SDC3: variants seen among roughly 807,000 people sequenced by gnomAD.
The protein encoded by SDC3 is syndecan-3.
SDC3 carries 13 observed loss-of-function variants against 24.4 expected under a neutral mutation model. That is an observed-to-expected ratio of 0.53 (90% CI 0.35 to 0.85). SDC3 has a LOEUF of 0.85. SDC3 is among the 40% of genes least tolerant of loss of function. The pLI is 0.01. For missense variants in SDC3, 571 were observed against 584.5 expected, an observed-to-expected ratio of 0.98 and a Z score of 0.24; for synonymous variants, 295 against 260.9, an observed-to-expected ratio of 1.13 and a Z score of -1.26.
In SDC3 at chr1:30,876,551, C is replaced by T; in HGVS notation, c.870+1G>A. The T allele has an allele frequency of 1.3e-6, 2 of 1,514,650 alleles. No homozygotes were observed. Among genetic ancestry groups the T allele is most frequent in the Non-Finnish European group, 1.8e-6 (2 of 1,132,394 alleles). The allele number at this position is 1,514,650 out of a possible 1,614,324, so 93.8% of individuals were successfully genotyped here. On this transcript the variant is annotated splice_donor_variant, in intron 3 of 4. Transcript: ENST00000339394. LOFTEE classifies it high-confidence loss of function. ...TCCCTGTCCCTTCTCAACACCCTCA[C>T]CTGAGCCACCTCTGTGGGTCCAGGG...
chr1:30,895,265 C>A (rs905172055), intron 1 of SDC3, among the ~76,000 whole-genome samples: 1 of 152,200 alleles, frequency 6.6e-6, no homozygotes, highest in South Asian at 2.1e-4. Flanking sequence ...CCCAAACTAA[C>A]GTCCTAAACA....
chr1:30,876,722 T>A lies in SDC3; in HGVS notation c.700A>T (p.Thr234Ser), dbSNP rs775842349. ...ATTPEAPSPP[T>S]TAAVLDTEAP... ...TCGGTGTCCAAGACAGCCGCCGTGG[T>A]GGGCGGGGAGGGCGCCTCGGGGGTA... The change falls in exon 3 of 5, where the codon ACC becomes TCC. Residue 234 changes from threonine to serine, a missense_variant. Thr to Ser is a moderately conservative substitution (Grantham distance 58). Coordinates refer to ENST00000339394, the MANE Select transcript of SDC3 (RefSeq NM_014654.4). The A allele has an allele frequency of 6.3e-7, 1 of 1,594,792 alleles. No homozygotes were observed. The highest frequency in any genetic ancestry group is 8.5e-7 in the Non-Finnish European group (1 of 1,170,040).
At chr1:30,906,158 C>A (rs1160899600) in intron 1 of SDC3, among the ~76,000 whole-genome samples, 1 of 152,188 alleles carries the variant, frequency 6.6e-6, no homozygotes, top group Non-Finnish European at 1.5e-5. Flanking sequence ...GGTGCGGAAC[C>A]CCGGCAACCA....
chr1:30,874,457 T>A lies in SDC3; in HGVS notation c.1002A>T (p.Val334=). 2.5e-6 allele frequency: 4 copies of A among 1,614,174 alleles called. No homozygotes were observed. Among genetic ancestry groups the A allele is most frequent in the Non-Finnish European group, 3.4e-6 (4 of 1,180,012 alleles). ...TTQPDTANEV[V]AVGGAAAKAS... ...CCTTGGCCGCAGCCCCTCCCACAGCTACCACCTCATTGGCTGTGTCTGGTT... is the reference window on the plus strand; with the variant it reads ...CCTTGGCCGCAGCCCCTCCCACAGCAACCACCTCATTGGCTGTGTCTGGTT... Residue 334 remains valine (V), a synonymous_variant, in exon 4 of 5, where the codon GTA becomes GTT. Coordinates refer to ENST00000339394, the MANE Select transcript of SDC3 (RefSeq NM_014654.4).
In SDC3 at chr1:30,869,520, T is replaced by TAAAA. The variant is rs10711024; in HGVS notation, c.*3687_*3690dup. 2 of 347,204 alleles carry TAAAA rather than the reference T, an allele frequency of 5.8e-6. No individual in the cohort carries two copies. The highest frequency in any genetic ancestry group is 2.8e-5 in the African/African-American group (1 of 35,422). The allele number at this position is 347,204 out of a possible 1,614,324, so 21.5% of individuals were successfully genotyped here. On this transcript the variant is annotated 3_prime_UTR_variant, in exon 5 of 5. Transcript: ENST00000339394. ...TAAATGGGCACAGCACAGGAAGTGT[T>TAAAA]AAAAAAACAAACAAACAAAAAAAAA...
In SDC3 at chr1:30,877,091, G is replaced by A; in HGVS notation, c.331C>T (p.Pro111Ser). The A allele has an allele frequency of 6.2e-7, 1 of 1,614,036 alleles. No individual in the cohort carries two copies. The highest frequency in any genetic ancestry group is 8.5e-7 in the Non-Finnish European group (1 of 1,179,990). ...PDVALAVSTT[P>S]AVLPTTNIQP... The stretch of plus-strand genomic sequence containing the variant: ...ATGTTCGTGGTGGGCAGCACCGCAG[G>A]TGTGGTGGACACCGCCAGGGCTACA... Residue 111 changes from proline to serine, a missense_variant, in exon 3 of 5, where the codon CCT (proline) becomes TCT (serine). Coordinates refer to ENST00000339394, the MANE Select transcript of SDC3 (RefSeq NM_014654.4).
rs891466886 is a variant in SDC3 at position 30,869,935 on chromosome 1, G to C, written c.*3276C>G. The C allele has an allele frequency of 5.0e-6, 2 of 398,454 alleles. No homozygotes were observed. The highest frequency in any genetic ancestry group is 4.1e-5 in the African/African-American group (2 of 48,612). The allele number at this position is 398,454 out of a possible 1,614,324, so 24.7% of individuals were successfully genotyped here. A position where few individuals can be genotyped will look rare whatever the true frequency, so the allele number is the denominator to read the frequency against. ...GCCAGGCAGGCACCTGGGGGATGCT[G>C]GGGCCATCGGCTCTCAGATGGCAAC... On this transcript the variant is annotated 3_prime_UTR_variant, in exon 5 of 5. Transcript: ENST00000339394.
chr1:30,876,424 C>T (rs545547733), intron 3 of SDC3, 128 bp downstream of exon 3: 18 of 735,518 alleles, frequency 2.4e-5, no homozygotes, highest in Middle Eastern at 4.2e-4. Context: ...TCCTGCCCCT[C>T]GCCCCCACTT....
rs753607812 is a variant in SDC3 at position 30,874,322 on chromosome 1, G to T, written c.1137C>A (p.Ile379=). 2 of 1,612,108 alleles carry T rather than the reference G, an allele frequency of 1.2e-6. No individual in the cohort carries two copies. The highest frequency in any genetic ancestry group is 1.7e-6 in the Non-Finnish European group (2 of 1,179,392). ...SSAAQLPQKS[I]LERKEVLVAV... ...CTACGAGCACCTCCTTCCGCTCCAG[G>T]ATACTCTTCTGAGGCAGCTGAGCAG... The change falls in exon 4 of 5, where the codon ATC becomes ATA. Residue 379 remains isoleucine (I), a synonymous_variant. Coordinates refer to ENST00000339394, the MANE Select transcript of SDC3 (RefSeq NM_014654.4).
chr1:30,887,028 A>G (rs1639838801), intron 1 of SDC3, among the ~76,000 whole-genome samples: 1 of 152,048 alleles, frequency 6.6e-6, no homozygotes, highest in Non-Finnish European at 1.5e-5. Flanking sequence ...AGTTTCCCCT[A>G]CCAGAAGGCT....
chr1:30,890,284 G>A (rs1639886187), intron 1 of SDC3, among the ~76,000 whole-genome samples: 1 of 152,206 alleles, frequency 6.6e-6, no homozygotes, highest in Admixed American at 6.5e-5. Flanking sequence ...CCCAGCCTGG[G>A]CAACAAGAGC....
At position 30,869,539 on chromosome 1, in the gene SDC3, A is replaced by C. The variant is rs1421954359; in HGVS notation, c.*3672T>G. 3.4e-6 allele frequency: 1 copy of C among 297,090 alleles called. No homozygotes were observed. Among genetic ancestry groups the C allele is most frequent in the Non-Finnish European group, 5.7e-6 (1 of 174,142 alleles). 18.4% of individuals were successfully genotyped at this position (297,090 alleles called of 1,614,324 possible). A position where few individuals can be genotyped will look rare whatever the true frequency, so the allele number is the denominator to read the frequency against. ...AAGTGTTAAAAAAACAAACAAACAAAAAAAAAAAAAAAAAAAAAAAAACAA... is the reference window on the plus strand; with the variant it reads ...AAGTGTTAAAAAAACAAACAAACAACAAAAAAAAAAAAAAAAAAAAAACAA... On this transcript the variant is annotated 3_prime_UTR_variant, in exon 5 of 5. Transcript: ENST00000339394.
chr1:30,883,451 C>G lies in SDC3; in HGVS notation c.139-4711G>C, dbSNP rs1296016862. On this transcript the variant is annotated intron_variant, in intron 1 of 4. Transcript: ENST00000339394. ...GTGGGGGCCCAGCTTTAGGTTCTGA[C>G]AGTCTTGGATTCAAATTCAGCTCTG... Among the ~76,000 whole-genome samples, 10 of 152,218 alleles carry G rather than the reference C, an allele frequency of 6.6e-5. 1 individual carries two copies. Among genetic ancestry groups the G allele is most frequent in the Admixed American group, 1.3e-4 (2 of 15,284 alleles).
chr1:30,875,640 C>T (rs1306111729), intron 3 of SDC3, among the ~76,000 whole-genome samples: 1 of 152,190 alleles, frequency 6.6e-6, no homozygotes, highest in Non-Finnish European at 1.5e-5. Context: ...CCTTGGGATT[C>T]ATCCATCCCT....
Position 30,876,680 on chromosome 1 carries a change from G to A in SDC3, c.742C>T (p.Leu248=). 1.2e-6 allele frequency: 2 copies of A among 1,603,500 alleles called. No homozygotes were observed. The highest frequency in any genetic ancestry group is 1.7e-6 in the Non-Finnish European group (2 of 1,174,736). The part of the protein sequence containing the change: ...VLDTEAPTPR[L]VSTATSRPRA... ...GGCCGGGAGGTAGCTGTGCTGACCA[G>A]CCTGGGTGTTGGGGCCTCGGTGTCC... Residue 248 remains leucine, a synonymous_variant, in exon 3 of 5, where the codon CTG becomes TTG. Transcript: ENST00000339394.
chr1:30,908,410 C>T (rs1314276693), intron 1 of SDC3, 39 bp downstream of exon 1: 2 of 1,003,236 alleles, frequency 2.0e-6, no homozygotes, highest in African/African-American at 1.8e-5. Context: ...GGGGCGGCCC[C>T]GGGGAGCCGT....
In SDC3 at chr1:30,877,176, G is replaced by T. The variant is rs777139667; in HGVS notation, c.257-11C>A. The T allele has an allele frequency of 6.2e-6, 10 of 1,613,676 alleles. No individual in the cohort carries two copies. Among genetic ancestry groups the T allele is most frequent in the Admixed American group, 3.3e-5 (2 of 60,002 alleles). Reference sequence around the variant, plus strand: ...ACTCCTGCTCGAAGTCTGAGGGGGTGGGGGAGAGGGAGAGAGCTAGGGAGC... The same window carrying T: ...ACTCCTGCTCGAAGTCTGAGGGGGTTGGGGAGAGGGAGAGAGCTAGGGAGC... On this transcript the variant is annotated splice_polypyrimidine_tract_variant and intron_variant, in intron 2 of 4. Transcript: ENST00000339394.
Position 30,895,129 on chromosome 1 carries a change from G to A in SDC3, c.138+13320C>T, listed in dbSNP as rs74331577. 2.8e-3 allele frequency among the ~76,000 whole-genome samples: 421 copies of A among 152,148 alleles called. 4 individuals are homozygous for A. The highest frequency in any genetic ancestry group is 9.5e-3 in the African/African-American group (394 of 41,464). On this transcript the variant is annotated intron_variant, in intron 1 of 4. Coordinates refer to ENST00000339394, the MANE Select transcript of SDC3 (RefSeq NM_014654.4). ...GCAGGGGGAGGGACAGCAGTTGGGG[G>A]ACTCCTGATCCCCCTGGCATAGGCT... is the stretch of plus-strand genomic sequence containing the variant.
intron 2 of SDC3, 32 bp from the exon 3 acceptor site, chr1:30,877,197 G>C: frequency 6.2e-7 from 1 of 1,613,120 alleles, no homozygotes; most frequent in Non-Finnish European, 8.5e-7. Context: ...AGAGAGCTAG[G>C]GAGCTGGGTG....
Sources: gnomAD v4.1 joint callset for allele counts (sites outside exome capture counted in the v4.1 genomes callset) on GRCh38, gnomAD v4.1.1 for gene constraint, MANE v1.5 for transcripts, NCBI Gene and HGNC (gene_info 2026-07-23, HGNC 2026-07-21) for gene names.